Variants in PDE11A observed in about 807,000 individuals in gnomAD.
PDE11A encodes the protein dual 3',5'-cyclic-AMP and -GMP phosphodiesterase 11A.
Under a neutral mutation model 100.5 loss-of-function variants are expected in PDE11A, and 100 were observed. The ratio of observed to expected loss-of-function variants is 1.00; its 90% CI spans 0.85 to 1.18. PDE11A has a LOEUF of 1.18. PDE11A is among the 50% of genes most tolerant of loss of function. The pLI, the probability that PDE11A is intolerant of heterozygous loss-of-function variation, is 0.00. For synonymous variants in PDE11A, 381 were observed against 420.8 expected, an observed-to-expected ratio of 0.91 and a Z score of 1.16; for missense variants, 1,141 against 1,152.6, an observed-to-expected ratio of 0.99 and a Z score of 0.15.
chr2:177,764,010 G>T (rs1038790012), intron 10 of PDE11A, among the ~76,000 whole-genome samples: 4 of 152,200 alleles, frequency 2.6e-5, no homozygotes, highest in Middle Eastern at 3.2e-3. Context: ...AGTCTTGAGG[G>T]CTGAAGCTTC....
chr2:177,959,343 G>A (rs1477723969), intron 2 of PDE11A, among the ~76,000 whole-genome samples: 3 of 152,184 alleles, frequency 2.0e-5, no homozygotes, highest in African/African-American at 7.2e-5. Flanking sequence ...TTTGGATACA[G>A]TGCCAAAAGT....
intron 3 of PDE11A, among the ~76,000 whole-genome samples, chr2:177,900,141 A>G (rs903575084): frequency 6.6e-6 from 1 of 152,224 alleles, no homozygotes; most frequent in Non-Finnish European, 1.5e-5. Context: ...TTTTAATGGC[A>G]TGGATGTTTC....
At chr2:177,852,463 A>G (rs971958200) in intron 5 of PDE11A, among the ~76,000 whole-genome samples, 7 of 152,146 alleles carry the variant, frequency 4.6e-5, no homozygotes, top group Admixed American at 2.6e-4. Context: ...TTGGGTTCAC[A>G]AAAAGAAACT....
At chr2:178,053,012 T>G (rs1288208090) in intron 1 of PDE11A, among the ~76,000 whole-genome samples, 1 of 152,204 alleles carries the variant, frequency 6.6e-6, no homozygotes, top group South Asian at 2.1e-4. Context: ...TAACTCATTT[T>G]ATGAGGCCAG....
At chr2:177,931,226 C>A (rs975940553) in intron 2 of PDE11A, among the ~76,000 whole-genome samples, 1 of 152,078 alleles carries the variant, frequency 6.6e-6, no homozygotes. Flanking sequence ...CTTTTGTTGT[C>A]AACGTTCTAT....
chr2:177,867,871 G>A (rs540884187), intron 5 of PDE11A, among the ~76,000 whole-genome samples: 2 of 152,200 alleles, frequency 1.3e-5, no homozygotes, highest in Non-Finnish European at 2.9e-5. Flanking sequence ...CATTGCTGCT[G>A]GACAAAGACA....
intron 6 of PDE11A, among the ~76,000 whole-genome samples, chr2:177,834,229 C>G (rs970334313): frequency 6.6e-6 from 1 of 152,172 alleles, no homozygotes; most frequent in Non-Finnish European, 1.5e-5. Context: ...ATTTTGGTGG[C>G]CTCTACGGGG....
chr2:177,719,923 T>A (rs2081500707), intron 12 of PDE11A, among the ~76,000 whole-genome samples: 1 of 152,172 alleles, frequency 6.6e-6, no homozygotes, highest in Admixed American at 6.6e-5. Context: ...GGTCCAGCTC[T>A]GCTGGGTCAT....
intron 15 of PDE11A, among the ~76,000 whole-genome samples, chr2:177,689,692 A>G (rs1397601260): frequency 6.6e-6 from 1 of 152,218 alleles, no homozygotes; most frequent in Non-Finnish European, 1.5e-5. Flanking sequence ...CTGATAATAC[A>G]AGGGCCTGCC....
chr2:177,742,455 T>C (rs1350114053), intron 10 of PDE11A, among the ~76,000 whole-genome samples: 2 of 152,184 alleles, frequency 1.3e-5, no homozygotes, highest in East Asian at 3.8e-4. Flanking sequence ...CATTTTGTCC[T>C]TTTCTCTCCT....
intron 1 of PDE11A, among the ~76,000 whole-genome samples, chr2:178,064,336 G>T (rs1285367399): frequency 6.6e-6 from 1 of 152,210 alleles, no homozygotes; most frequent in Non-Finnish European, 1.5e-5. Flanking sequence ...CTGTAGGTGT[G>T]TTCGGCCAAG....
intron 19 of PDE11A, among the ~76,000 whole-genome samples, chr2:177,645,992 A>G (rs973395450): frequency 6.6e-6 from 1 of 152,184 alleles, no homozygotes; most frequent in Non-Finnish European, 1.5e-5. Flanking sequence ...TGACCTCTCA[A>G]GTTACTTGTT....
intron 1 of PDE11A, among the ~76,000 whole-genome samples, chr2:178,038,300 C>T (rs2105846812): frequency 6.6e-6 from 1 of 151,954 alleles, no homozygotes; most frequent in Admixed American, 6.6e-5. Flanking sequence ...CCCCACCATC[C>T]CCCACCTCAG....
intron 18 of PDE11A, among the ~76,000 whole-genome samples, chr2:177,666,019 A>G (rs529729987): frequency 1.3e-5 from 2 of 152,264 alleles, no homozygotes; most frequent in South Asian, 4.1e-4. Flanking sequence ...TATCACTACA[A>G]TTATAGAACA....
At chr2:177,820,353 A>C in intron 6 of PDE11A, 58 bp from the exon 7 acceptor site, 1 of 990,508 alleles carries the variant, frequency 1.0e-6, no homozygotes, top group Non-Finnish European at 1.6e-6. Context: ...TTTTTGATTT[A>C]CATTTTTTCC....
At chr2:177,725,010 C>T (rs1018478564) in intron 12 of PDE11A, among the ~76,000 whole-genome samples, 2 of 151,936 alleles carry the variant, frequency 1.3e-5, no homozygotes, top group African/African-American at 4.8e-5. Flanking sequence ...TAACACAACC[C>T]ACAGACAGGA....
chr2:177,632,730 A>G (rs1025765549), intron 19 of PDE11A, among the ~76,000 whole-genome samples: 3 of 152,056 alleles, frequency 2.0e-5, no homozygotes, highest in Non-Finnish European at 2.9e-5. Flanking sequence ...TTCACAGGAA[A>G]TCCCATCACC....
chr2:177,626,737 T>G lies in PDE11A; in HGVS notation c.*2670A>C, dbSNP rs1372847975. The G allele has an allele frequency of 6.6e-6, 1 of 152,310 alleles. No homozygotes were observed. The highest frequency in any genetic ancestry group is 6.6e-5 in the Admixed American group (1 of 15,266). 9.4% of individuals were successfully genotyped at this position (152,310 alleles called of 1,614,324 possible). A position where few individuals can be genotyped will look rare whatever the true frequency, so the allele number is the denominator to read the frequency against. ...TGCAGAGACAGCTGTAAAGGGTAGC[T>G]AGGAACATTATTTTTTAGGGCTCTC... is the stretch of plus-strand genomic sequence containing the variant. On this transcript the variant is annotated 3_prime_UTR_variant, in exon 20 of 20. Coordinates refer to ENST00000286063, the MANE Select transcript of PDE11A (RefSeq NM_016953.4).
At chr2:177,895,657 GA>G (rs2084601501) in intron 4 of PDE11A, among the ~76,000 whole-genome samples, 1 of 151,964 alleles carries the variant, frequency 6.6e-6, no homozygotes, top group East Asian at 1.9e-4. Context: ...GCCAGGTACA[GA>G]AAGACAAATA....
Sources: allele counts gnomAD v4.1 joint callset (sites outside exome capture counted in the v4.1 genomes callset), GRCh38; gene constraint gnomAD v4.1.1; transcripts MANE v1.5; gene names NCBI Gene and HGNC (gene_info 2026-07-23, HGNC 2026-07-21).